IYD: variants seen among roughly 807,000 people sequenced by gnomAD.
IYD encodes iodotyrosine deiodinase.
A neutral mutation model predicts 28.4 loss-of-function variants in IYD; 25 were observed. The observed-to-expected ratio is 0.88, with a 90% CI of 0.64 to 1.23. The LOEUF is 1.23. Ranked by LOEUF, IYD falls within the 50% of genes most tolerant of loss-of-function variation. The pLI, the probability that IYD is intolerant of heterozygous loss-of-function variation, is 0.00. For missense variants in IYD, 352 were observed against 357.9 expected (o/e 0.98, Z 0.13); for synonymous variants, 140 against 130.8 (o/e 1.07, Z -0.48).
intron 1 of IYD, among the ~76,000 whole-genome samples, chr6:150,385,566 G>A (rs1377619315): frequency 6.0e-5 from 4 of 66,494 alleles, no homozygotes; most frequent in Admixed American, 2.9e-4. Context: ...TGGCCAAGAT[G>A]TATTTTTTTT....
In IYD at chr6:150,377,790, G is replaced by A. The variant is rs144114478; in HGVS notation, c.178+8581G>A. Among the ~76,000 whole-genome samples the A allele has an allele frequency of 2.4e-3, 363 of 152,304 alleles. 2 individuals are homozygous for A. The highest frequency in any genetic ancestry group is 8.5e-3 in the African/African-American group (353 of 41,564). On this transcript the variant is annotated intron_variant, in intron 1 of 4. Coordinates refer to ENST00000344419, the MANE Select transcript of IYD (RefSeq NM_203395.3). ...ATACCACTTATTAACTACAGAGGCT[G>A]CCAGACTTCATCTTAAATGGTGTCA...
In IYD at chr6:150,403,636, C is replaced by T. The variant is rs1778569393; in HGVS notation, c.*5399C>T. The T allele has an allele frequency of 6.6e-6, 1 of 152,204 alleles. No individual in the cohort carries two copies. The highest frequency in any genetic ancestry group is 1.5e-5 in the Non-Finnish European group (1 of 68,060). The allele number at this position is 152,204 out of a possible 1,614,324, so 9.4% of individuals were successfully genotyped here. On this transcript the variant is annotated 3_prime_UTR_variant, in exon 5 of 5. Coordinates refer to ENST00000344419, the MANE Select transcript of IYD (RefSeq NM_203395.3). ...AGGGGCAGGCTCAAGGGAGAACAGC[C>T]CCCAAAGCTAAGATCCTGCCAAGCT...
chr6:150,385,582 ATTGCTGAATTCTG>A (rs1777833296), intron 1 of IYD, among the ~76,000 whole-genome samples: 1 of 151,552 alleles, frequency 6.6e-6, no homozygotes. Flanking sequence ...TTTTTTATAA[ATTGCTGAATTCTG>A]TTATTAATAT....
At chr6:150,392,614 C>A in intron 3 of IYD, 110 bp downstream of exon 3, 1 of 1,164,750 alleles carries the variant, frequency 8.6e-7, no homozygotes, top group Non-Finnish European at 1.3e-6. Flanking sequence ...TGATTCTATT[C>A]TGCCTCTTGG....
Position 150,369,202 on chromosome 6 carries a change from A to G in IYD, c.171A>G (p.Ala57=), listed in dbSNP as rs1299588552. Residue 57 remains alanine (A), a synonymous_variant, in exon 1 of 5, where the codon GCA becomes GCG. Coordinates refer to ENST00000344419, the MANE Select transcript of IYD (RefSeq NM_203395.3). ...AAGACAGCAGTGACCTGCACCAAGC[A>G]GAAGAAGGTAAAGACACCAGCTATG... is the stretch of plus-strand genomic sequence containing the variant. ...DLKDSSDLHQ[A]EEDADEWQES... 6.2e-7 allele frequency: 1 copy of G among 1,612,410 alleles called. No homozygotes were observed. Among genetic ancestry groups the G allele is most frequent in the Non-Finnish European group, 8.5e-7 (1 of 1,179,912 alleles).
At chr6:150,372,147 T>G (rs1450757117) in intron 1 of IYD, among the ~76,000 whole-genome samples, 1 of 152,230 alleles carries the variant, frequency 6.6e-6, no homozygotes, top group African/African-American at 2.4e-5. Context: ...TGTAGGCCAT[T>G]CTAGCATGAG....
intron 1 of IYD, among the ~76,000 whole-genome samples, chr6:150,387,368 C>G (rs2115042503): frequency 1.3e-5 from 2 of 150,266 alleles, no homozygotes; most frequent in Non-Finnish European, 3.0e-5. Flanking sequence ...TGAGTCCAGC[C>G]TGGGCAACAT....
intron 4 of IYD, chr6:150,396,491 A>G (rs1026577527): frequency 1.4e-6 from 1 of 699,848 alleles, no homozygotes; most frequent in Non-Finnish European, 2.6e-6. Context: ...CTAGAGACAT[A>G]CAAAATTCAG....
chr6:150,395,957 C>A, intron 4 of IYD: 1 of 434,850 alleles, frequency 2.3e-6, no homozygotes, highest in East Asian at 3.8e-5. Flanking sequence ...TGGGGATGCT[C>A]TGCTTCCATG....
intron 1 of IYD, among the ~76,000 whole-genome samples, chr6:150,382,498 A>T (rs574285718): frequency 1.1e-4 from 16 of 152,212 alleles, no homozygotes; most frequent in Non-Finnish European, 2.2e-4. Flanking sequence ...GTATTTTTCA[A>T]CAATTTTGGA....
intron 1 of IYD, chr6:150,369,836 T>C (rs1012232220): frequency 4.7e-6 from 3 of 634,740 alleles, no homozygotes; most frequent in Non-Finnish European, 8.5e-6. Flanking sequence ...TAGCAAGTGC[T>C]GGGAGGCCTG....
Position 150,403,570 on chromosome 6 carries a change from C to A in IYD, c.*5333C>A, listed in dbSNP as rs6925386. ...ATCTAAGGCTGATGCCAGGTCTGCT[C>A]CCTATCTGGGTGGCCTCAGCAAATG... On this transcript the variant is annotated 3_prime_UTR_variant, in exon 5 of 5. Coordinates refer to ENST00000344419, the MANE Select transcript of IYD (RefSeq NM_203395.3). The A allele has an allele frequency of 0.11, 17,254 of 152,260 alleles. 1,587 individuals carry two copies. Among genetic ancestry groups the A allele is most frequent in the African/African-American group, 0.25 (10,510 of 41,508 alleles). The allele number at this position is 152,260 out of a possible 1,614,324, so 9.4% of individuals were successfully genotyped here.
At position 150,393,996 on chromosome 6, in the gene IYD, G is replaced by T. The variant is rs142423148; in HGVS notation, c.531-103G>T. 3,363 of 1,164,556 alleles carry T rather than the reference G, an allele frequency of 2.9e-3. 53 individuals are homozygous for T. The highest frequency in any genetic ancestry group is 0.022 in the South Asian group (1,557 of 72,134). 72.1% of individuals were successfully genotyped at this position (1,164,556 alleles called of 1,614,324 possible). A position where few individuals can be genotyped will look rare whatever the true frequency, so the allele number is the denominator to read the frequency against. Reference sequence around the variant, plus strand: ...GCAGCTTTTCAATTTAAATATAAAAGATGAGTAAATATGTTTTTATTTTTA... The same window carrying T: ...GCAGCTTTTCAATTTAAATATAAAATATGAGTAAATATGTTTTTATTTTTA... On this transcript the variant is annotated intron_variant, in intron 3 of 4. Transcript: ENST00000344419.
chr6:150,389,419 T>G lies in IYD; in HGVS notation c.246T>G (p.Pro82=). The change falls in exon 2 of 5, where the codon CCT becomes CCG. Residue 82 remains proline, a synonymous_variant. Coordinates refer to ENST00000344419, the MANE Select transcript of IYD (RefSeq NM_203395.3). ...EHIPFSHNHY[P]EKEMVKRSQE... Reference sequence around the variant, plus strand: ...TCCCCTTCTCTCATAACCACTATCCTGAGAAGGAAATGGTTAAGAGGTCTC... The same window carrying G: ...TCCCCTTCTCTCATAACCACTATCCGGAGAAGGAAATGGTTAAGAGGTCTC... 6.2e-7 allele frequency: 1 copy of G among 1,613,842 alleles called. No homozygotes were observed. Among genetic ancestry groups the G allele is most frequent in the South Asian group, 1.1e-5 (1 of 91,072 alleles).
chr6:150,398,148 A>G lies in IYD; in HGVS notation c.781A>G (p.Met261Val), dbSNP rs778854875. ...LGRPAHEKLL[M>V]LLPVGYPSKE... Reference sequence around the variant, plus strand: ...CCGCCCCGCACATGAAAAGCTGCTGATGCTGCTCCCCGTGGGGTACCCCAG... The same window carrying G: ...CCGCCCCGCACATGAAAAGCTGCTGGTGCTGCTCCCCGTGGGGTACCCCAG... Residue 261 changes from methionine (M) to valine (V), a missense_variant, in exon 5 of 5, where the codon ATG becomes GTG. Transcript: ENST00000344419. The G allele has an allele frequency of 5.6e-6, 9 of 1,614,026 alleles. No individual in the cohort carries two copies. Among genetic ancestry groups the G allele is most frequent in the Non-Finnish European group, 7.6e-6 (9 of 1,180,028 alleles).
chr6:150,395,492 G>A (rs1440176272), intron 4 of IYD: 1 of 1,537,272 alleles, frequency 6.5e-7, no homozygotes, highest in Non-Finnish European at 8.7e-7. Flanking sequence ...CAGACTGCGA[G>A]GCACCGCCAC....
chr6:150,402,028 T>G lies in IYD; in HGVS notation c.*3791T>G, dbSNP rs748566766. ...CTGGGTGGTGCCCAAATGCTCCAGT[T>G]CTAATGTATTCCCAGGTGTTGCTGA... On this transcript the variant is annotated 3_prime_UTR_variant, in exon 5 of 5. Coordinates refer to ENST00000344419, the MANE Select transcript of IYD (RefSeq NM_203395.3). 6.6e-6 allele frequency: 1 copy of G among 152,244 alleles called. No individual in the cohort carries two copies. Among genetic ancestry groups the G allele is most frequent in the Admixed American group, 6.5e-5 (1 of 15,292 alleles). 9.4% of individuals were successfully genotyped at this position (152,244 alleles called of 1,614,324 possible). A position where few individuals can be genotyped will look rare whatever the true frequency, so the allele number is the denominator to read the frequency against.
At chr6:150,373,242 C>T (rs1485761265) in intron 1 of IYD, among the ~76,000 whole-genome samples, 2 of 152,190 alleles carry the variant, frequency 1.3e-5, no homozygotes, top group Non-Finnish European at 2.9e-5. Flanking sequence ...AAAAATGTTC[C>T]TACAAACTTG....
Position 150,398,140 on chromosome 6 carries a change from A to T in IYD, c.773A>T (p.Lys258Met). Reference protein sequence around the residue: ...RVLLGRPAHEKLLMLLPVGYP... With the variant: ...RVLLGRPAHEMLLMLLPVGYP... The stretch of plus-strand genomic sequence containing the variant: ...CTCCTGGGCCGCCCCGCACATGAAA[A>T]GCTGCTGATGCTGCTCCCCGTGGGG... The change falls in exon 5 of 5, where the codon AAG becomes ATG. Residue 258 changes from lysine (K) to methionine (M), a missense_variant. Lys to Met is a moderately conservative substitution (Grantham distance 95). Transcript: ENST00000344419. The T allele has an allele frequency of 6.2e-7, 1 of 1,614,152 alleles. No homozygotes were observed. Among genetic ancestry groups the T allele is most frequent in the Non-Finnish European group, 8.5e-7 (1 of 1,180,020 alleles).
Sources: allele counts gnomAD v4.1 joint callset (sites outside exome capture counted in the v4.1 genomes callset), GRCh38; gene constraint gnomAD v4.1.1; transcripts MANE v1.5; gene names NCBI Gene and HGNC (gene_info 2026-07-23, HGNC 2026-07-21).